ERC2: variants seen among roughly 807,000 people sequenced by gnomAD.
The protein encoded by ERC2 is ERC protein 2.
In ERC2, 42 loss-of-function variants were observed where a neutral mutation model predicts 114.8. That is an observed-to-expected ratio of 0.37 (90% confidence interval 0.29 to 0.47). The LOEUF (loss-of-function observed/expected upper bound fraction) is 0.47, where lower values mean the gene tolerates loss of function less well. Among genes scored for constraint, ERC2 ranks in the 20% least tolerant of loss-of-function variants. The pLI, the probability that ERC2 is intolerant of heterozygous loss-of-function variation, is 0.99. For synonymous variants in ERC2, 454 were observed against 425.5 expected (o/e 1.07, Z -0.82); for missense variants, 939 against 1,150.7 (o/e 0.82, Z 2.66).
chr3:55,822,071 T>G (rs905579322), intron 14 of ERC2, among the ~76,000 whole-genome samples: 1 of 152,254 alleles, frequency 6.6e-6, no homozygotes, highest in East Asian at 1.9e-4. Context: ...AAGGATATTT[T>G]CACTGTAAAA....
chr3:55,683,926 G>T, intron 16 of ERC2, 67 bp from the exon 17 acceptor site: 1 of 1,560,692 alleles, frequency 6.4e-7, no homozygotes. Context: ...AGAAGAGAAG[G>T]TTAGTTACAC....
intron 14 of ERC2, among the ~76,000 whole-genome samples, chr3:55,872,604 CA>C (rs2062636162): frequency 6.6e-6 from 1 of 151,352 alleles, no homozygotes. Context: ...ATAAAAGGTT[CA>C]TATTGGAATC....
At chr3:56,446,401 G>A (rs1348187044) in intron 1 of ERC2, among the ~76,000 whole-genome samples, 1 of 152,132 alleles carries the variant, frequency 6.6e-6, no homozygotes, top group African/African-American at 2.4e-5. Flanking sequence ...ATGCTGTATG[G>A]AGCCTGTACA....
At chr3:56,279,434 CT>C in intron 3 of ERC2, among the ~76,000 whole-genome samples, 1 of 152,122 alleles carries the variant, frequency 6.6e-6, no homozygotes, top group East Asian at 1.9e-4. Flanking sequence ...AACACCTGGG[CT>C]GAATATTGTA....
At chr3:56,154,960 T>C (rs555414443) in intron 4 of ERC2, among the ~76,000 whole-genome samples, 60 of 152,320 alleles carry the variant, frequency 3.9e-4, no homozygotes, top group African/African-American at 1.4e-3. Flanking sequence ...TGTTAAACTT[T>C]CTGAGCATGT....
intron 8 of ERC2, among the ~76,000 whole-genome samples, chr3:56,011,985 CA>C (rs1382985877): frequency 6.6e-6 from 1 of 152,012 alleles, no homozygotes; most frequent in Non-Finnish European, 1.5e-5. Context: ...TACTATTTTC[CA>C]ATTATTTAAA....
At chr3:56,280,485 G>A (rs1287823178) in intron 3 of ERC2, among the ~76,000 whole-genome samples, 1 of 152,028 alleles carries the variant, frequency 6.6e-6, no homozygotes, top group Non-Finnish European at 1.5e-5. Flanking sequence ...GTGACAGCAA[G>A]ACAAGGACAC....
intron 13 of ERC2, among the ~76,000 whole-genome samples, chr3:55,895,557 G>C (rs1302683708): frequency 6.6e-6 from 1 of 152,110 alleles, no homozygotes; most frequent in Non-Finnish European, 1.5e-5. Flanking sequence ...AGTTTTCATT[G>C]CCTGCACCCA....
chr3:56,027,049 A>G (rs190477781), intron 7 of ERC2, among the ~76,000 whole-genome samples: 2 of 152,328 alleles, frequency 1.3e-5, no homozygotes, highest in Non-Finnish European at 2.9e-5. Context: ...CAAATGTTAT[A>G]TAAATAAAGT....
chr3:56,194,258 T>G (rs767748281), intron 3 of ERC2, among the ~76,000 whole-genome samples: 18 of 151,996 alleles, frequency 1.2e-4, no homozygotes, highest in Admixed American at 5.9e-4. Flanking sequence ...CAAAAGAAGA[T>G]CTATCCATCC....
chr3:55,950,150 A>G (rs986493735), intron 13 of ERC2, among the ~76,000 whole-genome samples: 1 of 152,224 alleles, frequency 6.6e-6, no homozygotes, highest in Non-Finnish European at 1.5e-5. Context: ...CTTGCCAACT[A>G]TATAAATGCA....
intron 17 of ERC2, among the ~76,000 whole-genome samples, chr3:55,637,489 A>G (rs1000808109): frequency 6.6e-6 from 1 of 152,158 alleles, no homozygotes; most frequent in African/African-American, 2.4e-5. Context: ...GTGTGAAGGC[A>G]CAGACTGGGA....
chr3:56,463,184 G>GT (rs2063395238), intron 1 of ERC2, among the ~76,000 whole-genome samples: 1 of 152,100 alleles, frequency 6.6e-6, no homozygotes, highest in African/African-American at 2.4e-5. Flanking sequence ...GCTGAGATCG[G>GT]TGCCACTGCA....
At chr3:55,975,107 A>C (rs760730632) in intron 12 of ERC2, among the ~76,000 whole-genome samples, 4 of 152,126 alleles carry the variant, frequency 2.6e-5, no homozygotes, top group African/African-American at 7.2e-5. Context: ...AAGAGTGGAC[A>C]AGTTACTTAA....
intron 17 of ERC2, among the ~76,000 whole-genome samples, chr3:55,617,321 A>G (rs1277822832): frequency 6.6e-6 from 1 of 152,214 alleles, no homozygotes; most frequent in African/African-American, 2.4e-5. Flanking sequence ...GTCCTTCCAT[A>G]AAACCATTTC....
chr3:56,356,771 G>A (rs564164898), intron 2 of ERC2, among the ~76,000 whole-genome samples: 11 of 152,296 alleles, frequency 7.2e-5, no homozygotes, highest in African/African-American at 2.2e-4. Flanking sequence ...CCAGACATCA[G>A]AGCAGCTGTT....
At chr3:55,575,894 G>C (rs2056952937) in intron 17 of ERC2, among the ~76,000 whole-genome samples, 2 of 152,200 alleles carry the variant, frequency 1.3e-5, no homozygotes, top group African/African-American at 2.4e-5. Context: ...TTATAAACAA[G>C]CACGTAGGTA....
intron 17 of ERC2, among the ~76,000 whole-genome samples, chr3:55,574,237 C>A (rs567991818): frequency 6.6e-6 from 1 of 152,178 alleles, no homozygotes; most frequent in Non-Finnish European, 1.5e-5. Context: ...GGGATTTAAA[C>A]CCAGGCCTGC....
chr3:56,393,609 A>G (rs2060203623), intron 2 of ERC2, among the ~76,000 whole-genome samples: 1 of 152,212 alleles, frequency 6.6e-6, no homozygotes, highest in African/African-American at 2.4e-5. Context: ...ACCAAAGATT[A>G]AATCTGTCAT....
Sources: gnomAD v4.1 joint callset for allele counts (sites outside exome capture counted in the v4.1 genomes callset) on GRCh38, gnomAD v4.1.1 for gene constraint, MANE v1.5 for transcripts, NCBI Gene and HGNC (gene_info 2026-07-23, HGNC 2026-07-21) for gene names.